The following CPNE4 variants were observed in gnomAD, a reference collection of about 807,000 sequenced individuals.
CPNE4 encodes copine-4.
A neutral mutation model predicts 67.9 loss-of-function variants in CPNE4; 25 were observed. That is an observed-to-expected ratio of 0.37 (90% CI 0.27 to 0.51). CPNE4 has a LOEUF of 0.51. Ranked by LOEUF, CPNE4 falls within the 20% of genes least tolerant of loss-of-function variation. The pLI is 0.93. For synonymous variants in CPNE4, 242 were observed against 244.9 expected (o/e 0.99, Z 0.11); for missense variants, 464 against 690.8 (o/e 0.67, Z 3.68).
At chr3:131,937,414 T>C (rs911483815) in intron 1 of CPNE4, among the ~76,000 whole-genome samples, 1 of 152,174 alleles carries the variant, frequency 6.6e-6, no homozygotes, top group Non-Finnish European at 1.5e-5. Flanking sequence ...AGATTTTAAA[T>C]ACAGCCAAAC....
chr3:131,659,790 A>T (rs1183046440), intron 7 of CPNE4, among the ~76,000 whole-genome samples: 1 of 152,162 alleles, frequency 6.6e-6, no homozygotes, highest in Non-Finnish European at 1.5e-5. Context: ...AGAATCGCTT[A>T]GGAGCTGCCA....
chr3:131,862,258 C>T (rs17363193), intron 2 of CPNE4, among the ~76,000 whole-genome samples: 11,641 of 152,144 alleles, frequency 0.077, 586 homozygotes, highest in East Asian at 0.17. Context: ...GAGAGTACCA[C>T]GACAATATTT....
intron 2 of CPNE4, among the ~76,000 whole-genome samples, chr3:131,883,634 C>T (rs2087763158): frequency 6.6e-6 from 1 of 152,230 alleles, no homozygotes; most frequent in Admixed American, 6.5e-5. Context: ...CCATAGCTGC[C>T]TCTATGAGAT....
At chr3:131,713,719 A>G (rs1451818384) in intron 3 of CPNE4, among the ~76,000 whole-genome samples, 3 of 152,192 alleles carry the variant, frequency 2.0e-5, no homozygotes, top group Non-Finnish European at 2.9e-5. Flanking sequence ...GTATAAAAGG[A>G]GGACTCCAGA....
chr3:131,771,911 G>T (rs973467338), intron 2 of CPNE4, among the ~76,000 whole-genome samples: 8 of 152,022 alleles, frequency 5.3e-5, no homozygotes, highest in Non-Finnish European at 2.9e-5. Flanking sequence ...TTGTTTGTTT[G>T]TTTGAGCACA....
chr3:131,969,913 T>C (rs2072458012), intron 1 of CPNE4, among the ~76,000 whole-genome samples: 1 of 152,230 alleles, frequency 6.6e-6, no homozygotes, highest in Non-Finnish European at 1.5e-5. Context: ...TCTGTAGGCC[T>C]GTCTTCTACC....
chr3:131,710,243 G>A (rs1458851740), intron 3 of CPNE4, among the ~76,000 whole-genome samples: 2 of 152,156 alleles, frequency 1.3e-5, no homozygotes, highest in Non-Finnish European at 2.9e-5. Flanking sequence ...ACCCTTAACT[G>A]CCATATAAAC....
At chr3:131,707,226 G>T (rs970957522) in intron 3 of CPNE4, among the ~76,000 whole-genome samples, 1 of 152,126 alleles carries the variant, frequency 6.6e-6, no homozygotes, top group Non-Finnish European at 1.5e-5. Context: ...TCAAGGTATT[G>T]GCAGAGCCAC....
chr3:132,004,205 T>C (rs1346953695), intron 1 of CPNE4, among the ~76,000 whole-genome samples: 1 of 152,128 alleles, frequency 6.6e-6, no homozygotes, highest in Non-Finnish European at 1.5e-5. Context: ...AAAAAATCCA[T>C]TCTATATCTA....
chr3:131,977,541 C>T (rs776963446), intron 1 of CPNE4, among the ~76,000 whole-genome samples: 4 of 152,022 alleles, frequency 2.6e-5, no homozygotes, highest in African/African-American at 4.8e-5. Context: ...CCTCCCATAC[C>T]ATGCAAACAC....
At chr3:131,836,895 C>T (rs1485916562) in intron 2 of CPNE4, among the ~76,000 whole-genome samples, 3 of 152,066 alleles carry the variant, frequency 2.0e-5, no homozygotes, top group Non-Finnish European at 2.9e-5. Context: ...AACAAGCCAT[C>T]CAATTTAAAA....
chr3:131,912,733 A>T (rs562139862), intron 1 of CPNE4, among the ~76,000 whole-genome samples: 1 of 152,294 alleles, frequency 6.6e-6, no homozygotes, highest in Non-Finnish European at 1.5e-5. Flanking sequence ...GGCATAAATG[A>T]GATAGTCCAC....
At chr3:131,704,947 G>T (rs1027770871) in intron 3 of CPNE4, among the ~76,000 whole-genome samples, 3 of 152,182 alleles carry the variant, frequency 2.0e-5, no homozygotes, top group African/African-American at 7.2e-5. Context: ...GGTCATAAGG[G>T]TAGGGCCCCA....
Position 131,535,221 on chromosome 3 carries a change from C to G in CPNE4, c.1648G>C (p.Glu550Gln). The G allele has an allele frequency of 6.2e-7, 1 of 1,613,182 alleles. No homozygotes were observed. The highest frequency in any genetic ancestry group is 1.3e-5 in the African/African-American group (1 of 75,062). Residue 550 changes from glutamate (E) to glutamine (Q), a missense_variant, in exon 16 of 16, where the codon GAA (glutamate) becomes CAA (glutamine). Physicochemically the swap from Glu to Gln is conservative, Grantham distance 29. This residue lies in a region of CPNE4 where 201 missense variants were observed against 357.7 expected (regional missense o/e 0.56). Transcript: ENST00000429747. ...IKPKCSSEMY[E>Q]SSRTLAP is the part of the protein sequence containing the mutation. ...CATGGTGCTAGTGTTCTGGAAGATT[C>G]ATACATTTCTGATGAACATTTTGGT...
chr3:131,615,065 G>A (rs781075527), intron 7 of CPNE4, among the ~76,000 whole-genome samples: 3 of 152,164 alleles, frequency 2.0e-5, no homozygotes, highest in Non-Finnish European at 4.4e-5. Context: ...CACCCACAAA[G>A]TTTGTGATTC....
intron 2 of CPNE4, among the ~76,000 whole-genome samples, chr3:131,865,238 ATT>A (rs2086886319): frequency 6.6e-6 from 1 of 152,068 alleles, no homozygotes; most frequent in Non-Finnish European, 1.5e-5. Context: ...GTTAAGGAGG[ATT>A]CCCTCTTTTT....
At chr3:131,813,759 T>C (rs971488205) in intron 2 of CPNE4, among the ~76,000 whole-genome samples, 11 of 152,172 alleles carry the variant, frequency 7.2e-5, no homozygotes, top group Admixed American at 2.0e-4. Context: ...CTATGAAGCA[T>C]TGGGTTCTGG....
intron 1 of CPNE4, 30 bp from the exon 2 acceptor site, chr3:131,905,474 G>C: frequency 6.3e-7 from 1 of 1,584,968 alleles, no homozygotes; most frequent in Admixed American, 1.8e-5. Flanking sequence ...GAATAAAAAA[G>C]AAGTGCCAAT....
intron 2 of CPNE4, among the ~76,000 whole-genome samples, chr3:131,831,182 T>C (rs2085354885): frequency 6.6e-6 from 1 of 152,106 alleles, no homozygotes; most frequent in South Asian, 2.1e-4. Context: ...CATTGTCATG[T>C]TCTGGGATCA....
Sources: allele counts gnomAD v4.1 joint callset (sites outside exome capture counted in the v4.1 genomes callset), GRCh38; gene constraint gnomAD v4.1.1; regional missense constraint gnomAD v4.1.1; transcripts MANE v1.5; gene names NCBI Gene and HGNC (gene_info 2026-07-23, HGNC 2026-07-21).